TPH2: variants seen among roughly 807,000 people sequenced by gnomAD.
TPH2 encodes tryptophan 5-hydroxylase 2.
Under a neutral mutation model 59.1 loss-of-function variants are expected in TPH2, and 27 were observed. The observed-to-expected ratio is 0.46, with a 90% CI of 0.34 to 0.63. The LOEUF (loss-of-function observed/expected upper bound fraction) is 0.63, where lower values mean the gene tolerates loss of function less well. Among genes scored for constraint, TPH2 ranks in the 30% least tolerant of loss-of-function variants. The pLI is 0.01. For missense variants in TPH2, 523 were observed against 588.3 expected, an observed-to-expected ratio of 0.89 and a Z score of 1.15; for synonymous variants, 220 against 210.5, an observed-to-expected ratio of 1.05 and a Z score of -0.39.
At chr12:71,964,707 G>A (rs1871767408) in intron 5 of TPH2, 1 of 985,256 alleles carries the variant, frequency 1.0e-6, no homozygotes, top group Non-Finnish European at 1.2e-6. Context: ...CTACACACCT[G>A]GTGTGACACC....
At chr12:72,003,007 G>A (rs1457511357) in intron 8 of TPH2, among the ~76,000 whole-genome samples, 1 of 152,090 alleles carries the variant, frequency 6.6e-6, no homozygotes, top group Non-Finnish European at 1.5e-5. Context: ...TGTTAGAAGT[G>A]TAATTATAAA....
At chr12:71,954,033 A>G (rs1381754534) in intron 5 of TPH2, among the ~76,000 whole-genome samples, 2 of 152,200 alleles carry the variant, frequency 1.3e-5, no homozygotes, top group African/African-American at 2.4e-5. Context: ...GTTGAATACT[A>G]TATTTTCTGT....
At chr12:72,017,702 T>C (rs1873297645) in intron 8 of TPH2, among the ~76,000 whole-genome samples, 1 of 152,212 alleles carries the variant, frequency 6.6e-6, no homozygotes, top group East Asian at 1.9e-4. Flanking sequence ...GATTATTCAT[T>C]TGGTAAATCT....
At chr12:72,018,085 C>T (rs187708924) in intron 8 of TPH2, among the ~76,000 whole-genome samples, 25 of 152,328 alleles carry the variant, frequency 1.6e-4, no homozygotes, top group African/African-American at 5.8e-4. Context: ...AAAACTGTCT[C>T]AGACTAAAAG....
At chr12:72,000,689 A>G (rs1452977738) in intron 8 of TPH2, among the ~76,000 whole-genome samples, 1 of 152,218 alleles carries the variant, frequency 6.6e-6, no homozygotes, top group Admixed American at 6.5e-5. Flanking sequence ...CTGGATGAAC[A>G]GGATATCACC....
chr12:71,970,102 T>C (rs1275419943), intron 5 of TPH2, among the ~76,000 whole-genome samples: 26 of 152,214 alleles, frequency 1.7e-4, no homozygotes, highest in Admixed American at 1.7e-3. Flanking sequence ...AGAAACGAAG[T>C]AGATAAAACT....
intron 8 of TPH2, among the ~76,000 whole-genome samples, chr12:71,994,922 A>T (rs889483147): frequency 1.3e-5 from 2 of 152,286 alleles, no homozygotes; most frequent in Middle Eastern, 6.8e-3. Context: ...CTGTGTCCCA[A>T]TAAAACTTTA....
chr12:71,980,284 T>C (rs1019344741), intron 7 of TPH2, among the ~76,000 whole-genome samples: 1 of 152,136 alleles, frequency 6.6e-6, no homozygotes, highest in African/African-American at 2.4e-5. Context: ...CCACTCAGGG[T>C]ATCGCTTTGC....
chr12:71,949,662 A>T lies in TPH2; in HGVS notation c.608+7A>T, dbSNP rs575334496. On this transcript the variant is annotated splice_region_variant and intron_variant, in intron 5 of 10. Transcript: ENST00000333850. Reference sequence around the variant, plus strand: ...TGGCCATGGGTTATAAATAGTAAGTACCTGTATAACTCTTTCTTGTCACTG... The same window carrying T: ...TGGCCATGGGTTATAAATAGTAAGTTCCTGTATAACTCTTTCTTGTCACTG... 6.8e-6 allele frequency: 11 copies of T among 1,607,698 alleles called. No homozygotes were observed. The African/African-American group carries it at 1.2e-4, about 18-fold the overall frequency.
intron 6 of TPH2, 103 bp downstream of exon 6, chr12:71,972,818 T>A: frequency 1.6e-6 from 2 of 1,280,328 alleles, no homozygotes; most frequent in Non-Finnish European, 2.2e-6. Context: ...GGAAAAACAG[T>A]GATTTAAAAA....
chr12:71,942,311 A>G (rs555963180), intron 2 of TPH2, among the ~76,000 whole-genome samples: 1 of 152,274 alleles, frequency 6.6e-6, no homozygotes, highest in South Asian at 2.1e-4. Flanking sequence ...CTGTAGTTTG[A>G]ACCCTCAAGA....
intron 1 of TPH2, among the ~76,000 whole-genome samples, chr12:71,939,954 T>C (rs1197170017): frequency 6.6e-6 from 1 of 152,226 alleles, no homozygotes; most frequent in Admixed American, 6.5e-5. Flanking sequence ...GCTCCAAATA[T>C]GTGCCAGAGG....
intron 8 of TPH2, among the ~76,000 whole-genome samples, chr12:72,001,768 T>A (rs779444014): frequency 6.6e-6 from 1 of 152,080 alleles, no homozygotes; most frequent in Non-Finnish European, 1.5e-5. Context: ...ACTTACCATA[T>A]CTCCTCCATT....
At chr12:71,960,276 G>A (rs920097428) in intron 5 of TPH2, among the ~76,000 whole-genome samples, 6 of 152,084 alleles carry the variant, frequency 3.9e-5, no homozygotes, top group Admixed American at 1.3e-4. Flanking sequence ...AAGATGCCAC[G>A]TCTTTTCTTT....
At chr12:71,991,825 T>C (rs1379173574) in intron 7 of TPH2, among the ~76,000 whole-genome samples, 1 of 152,176 alleles carries the variant, frequency 6.6e-6, no homozygotes, top group African/African-American at 2.4e-5. Flanking sequence ...GTAATTTTAG[T>C]GGAATTAAAC....
chr12:72,008,132 C>G lies in TPH2; in HGVS notation c.1068+13567C>G, dbSNP rs147455231. On this transcript the variant is annotated intron_variant, in intron 8 of 10. Transcript: ENST00000333850. ...GATAGAAGAAGGCGGGCACTCACATCAGGTTCAAGGAGCAAGATGGCTGAT... is the reference window on the plus strand; with the variant it reads ...GATAGAAGAAGGCGGGCACTCACATGAGGTTCAAGGAGCAAGATGGCTGAT... Among the ~76,000 whole-genome samples the G allele has an allele frequency of 3.9e-5, 6 of 152,260 alleles. No individual in the cohort carries two copies. The East Asian group carries it at 1.2e-3, about 29-fold the overall frequency.
At chr12:71,944,170 A>G in intron 2 of TPH2, 124 bp from the exon 3 acceptor site, 1 of 948,230 alleles carries the variant, frequency 1.1e-6, no homozygotes, top group Non-Finnish European at 1.7e-6. Flanking sequence ...TTCAAAGAAC[A>G]AAGAGATTGT....
chr12:72,030,981 G>A (rs1052638488), intron 9 of TPH2, among the ~76,000 whole-genome samples: 2 of 152,112 alleles, frequency 1.3e-5, no homozygotes, highest in African/African-American at 4.8e-5. Flanking sequence ...CTGTCCTTCA[G>A]TATGAATTTG....
chr12:71,954,385 G>T (rs576820405), intron 5 of TPH2, among the ~76,000 whole-genome samples: 3 of 152,142 alleles, frequency 2.0e-5, no homozygotes, highest in Non-Finnish European at 4.4e-5. Context: ...GAGAATGAAC[G>T]CCCTGTATCG....
Sources: allele counts gnomAD v4.1 joint callset (sites outside exome capture counted in the v4.1 genomes callset), GRCh38; gene constraint gnomAD v4.1.1; transcripts MANE v1.5; gene names NCBI Gene and HGNC (gene_info 2026-07-23, HGNC 2026-07-21).